The following RPS6KA5 variants were observed in gnomAD, a reference collection of about 807,000 sequenced individuals.
RPS6KA5 encodes ribosomal protein S6 kinase alpha-5.
Under a neutral mutation model 85.5 loss-of-function variants are expected in RPS6KA5, and 27 were observed. That is an observed-to-expected ratio of 0.32 (90% confidence interval 0.23 to 0.44). The LOEUF is 0.44. Among genes scored for constraint, RPS6KA5 ranks in the 20% least tolerant of loss-of-function variants. The pLI is 1.00. For missense variants in RPS6KA5, 811 were observed against 980.9 expected, an observed-to-expected ratio of 0.83 and a Z score of 2.31; for synonymous variants, 334 against 348.2, an observed-to-expected ratio of 0.96 and a Z score of 0.46.
At chr14:90,898,687 G>C (rs898420510) in intron 12 of RPS6KA5, among the ~76,000 whole-genome samples, 1 of 151,990 alleles carries the variant, frequency 6.6e-6, no homozygotes, top group Non-Finnish European at 1.5e-5. Context: ...CTCAGGGGCA[G>C]AGAAGTGTAA....
chr14:90,922,091 T>C (rs1265525108), intron 6 of RPS6KA5, among the ~76,000 whole-genome samples: 1 of 152,168 alleles, frequency 6.6e-6, no homozygotes, highest in Non-Finnish European at 1.5e-5. Flanking sequence ...GAACTCAGGA[T>C]TTTTTCTTTC....
intron 2 of RPS6KA5, among the ~76,000 whole-genome samples, chr14:90,985,682 C>G (rs2040027822): frequency 6.6e-6 from 1 of 152,176 alleles, no homozygotes; most frequent in Admixed American, 6.5e-5. Flanking sequence ...TTATACTTAG[C>G]CAGCTCCTAA....
intron 1 of RPS6KA5, among the ~76,000 whole-genome samples, chr14:91,025,621 T>C (rs958839457): frequency 2.6e-5 from 4 of 152,060 alleles, no homozygotes; most frequent in African/African-American, 9.7e-5. Context: ...CTACAATATC[T>C]GTCCTTGCTC....
chr14:91,011,002 G>A (rs1210394698), intron 1 of RPS6KA5, among the ~76,000 whole-genome samples: 1 of 152,092 alleles, frequency 6.6e-6, no homozygotes, highest in Non-Finnish European at 1.5e-5. Context: ...CAGTACCCTG[G>A]AGCAACAATA....
chr14:90,963,084 G>A (rs1396708784), intron 3 of RPS6KA5, among the ~76,000 whole-genome samples: 2 of 152,012 alleles, frequency 1.3e-5, no homozygotes, highest in African/African-American at 4.8e-5. Context: ...TTCATACAAC[G>A]CATTAGAAAT....
At chr14:91,033,875 G>GT (rs914549840) in intron 1 of RPS6KA5, among the ~76,000 whole-genome samples, 2 of 152,062 alleles carry the variant, frequency 1.3e-5, no homozygotes, top group African/African-American at 4.8e-5. Context: ...AAACTCAAAT[G>GT]TTCATTGACA....
intron 1 of RPS6KA5, among the ~76,000 whole-genome samples, chr14:91,017,068 G>A (rs1230704738): frequency 6.6e-6 from 1 of 152,192 alleles, no homozygotes; most frequent in East Asian, 1.9e-4. Flanking sequence ...CATGGTAGCA[G>A]AGATGGTGGT....
At chr14:90,914,358 A>G (rs1375903657) in intron 7 of RPS6KA5, among the ~76,000 whole-genome samples, 1 of 143,628 alleles carries the variant, frequency 7.0e-6, no homozygotes, top group East Asian at 2.0e-4. Flanking sequence ...CTTTCACAAC[A>G]GGTTGGAGTG....
chr14:90,905,068 T>C (rs2140243173), intron 8 of RPS6KA5, among the ~76,000 whole-genome samples: 1 of 152,316 alleles, frequency 6.6e-6, no homozygotes, highest in South Asian at 2.1e-4. Flanking sequence ...AAGTTTCTTT[T>C]ATTCTAAATG....
intron 3 of RPS6KA5, among the ~76,000 whole-genome samples, chr14:90,969,686 C>A (rs2039233279): frequency 6.6e-6 from 1 of 152,292 alleles, no homozygotes; most frequent in East Asian, 1.9e-4. Flanking sequence ...CACCCAAACA[C>A]CTACTTATTT....
chr14:90,875,941 A>T (rs777438054), intron 14 of RPS6KA5, among the ~76,000 whole-genome samples: 3 of 150,604 alleles, frequency 2.0e-5, no homozygotes, highest in Non-Finnish European at 4.4e-5. Flanking sequence ...TTAGGAGATA[A>T]ACCTAATGCT....
Position 90,853,678 on chromosome 14 carries a change from A to AAC in RPS6KA5, c.*18395_*18396insGT, listed in dbSNP as rs2032129069. 1 of 150,856 alleles carries AAC rather than the reference A, an allele frequency of 6.6e-6. No individual in the cohort carries two copies. The highest frequency in any genetic ancestry group is 2.4e-5 in the African/African-American group (1 of 41,082). The allele number at this position is 150,856 out of a possible 1,614,324, so 9.3% of individuals were successfully genotyped here. A position where few individuals can be genotyped will look rare whatever the true frequency, so the allele number is the denominator to read the frequency against. ...ATCTCTACTAAAAATACAAAAAAAAAAAAAAAAACCCTAAAATTTAACACT... is the reference window on the plus strand; with the variant it reads ...ATCTCTACTAAAAATACAAAAAAAAAACAAAAAAAACCCTAAAATTTAACACT... On this transcript the variant is annotated 3_prime_UTR_variant, in exon 17 of 17. Transcript: ENST00000614987.
At position 90,926,261 on chromosome 14, in the gene RPS6KA5, C is replaced by G. The variant is rs142156138; in HGVS notation, c.619-3065G>C. Among the ~76,000 whole-genome samples the G allele has an allele frequency of 3.6e-3, 540 of 151,672 alleles. 1 individual carries two copies. Among genetic ancestry groups the G allele is most frequent in the Non-Finnish European group, 6.3e-3 (425 of 67,890 alleles). On this transcript the variant is annotated intron_variant, in intron 5 of 16. Transcript: ENST00000614987. ...TCTCTACTAAAAATGCATGGTGGCA[C>G]GTGCCTGTAGTCCCAGCTATTCAGG...
intron 1 of RPS6KA5, among the ~76,000 whole-genome samples, chr14:91,005,833 C>T (rs2040994545): frequency 6.6e-6 from 1 of 152,082 alleles, no homozygotes; most frequent in Admixed American, 6.5e-5. Flanking sequence ...ATTTATTTCA[C>T]CCTACAGGTG....
At chr14:91,045,667 T>C (rs982791144) in intron 1 of RPS6KA5, among the ~76,000 whole-genome samples, 1 of 152,238 alleles carries the variant, frequency 6.6e-6, no homozygotes, top group African/African-American at 2.4e-5. Flanking sequence ...ATTTCCACAG[T>C]AGTTTCCTAC....
chr14:91,030,321 T>C (rs2042135177), intron 1 of RPS6KA5, among the ~76,000 whole-genome samples: 1 of 151,950 alleles, frequency 6.6e-6, no homozygotes, highest in Non-Finnish European at 1.5e-5. Flanking sequence ...GAACGGAAAA[T>C]GCAGAATAAT....
At chr14:91,007,110 G>C (rs541507262) in intron 1 of RPS6KA5, among the ~76,000 whole-genome samples, 1 of 152,294 alleles carries the variant, frequency 6.6e-6, no homozygotes, top group African/African-American at 2.4e-5. Flanking sequence ...GACTCTGAGG[G>C]AAAAGAGGGG....
At chr14:90,961,613 G>A (rs1482518860) in intron 3 of RPS6KA5, among the ~76,000 whole-genome samples, 2 of 151,854 alleles carry the variant, frequency 1.3e-5, no homozygotes, top group Non-Finnish European at 2.9e-5. Context: ...ATTTTGGAGG[G>A]CTCATCTGAA....
At chr14:90,994,561 ATTTTTTTTTTTTT>A (rs935828871) in intron 2 of RPS6KA5, among the ~76,000 whole-genome samples, 5 of 61,942 alleles carry the variant, frequency 8.1e-5, no homozygotes, top group East Asian at 1.2e-3. Flanking sequence ...GATGTTTGTG[ATTTTTTTTTTTTT>A]TTTTTTTTTT....
Sources: gnomAD v4.1 joint callset for allele counts (sites outside exome capture counted in the v4.1 genomes callset) on GRCh38, gnomAD v4.1.1 for gene constraint, MANE v1.5 for transcripts, NCBI Gene and HGNC (gene_info 2026-07-23, HGNC 2026-07-21) for gene names.